KCNG3: variants seen among roughly 807,000 people sequenced by gnomAD.
KCNG3 encodes voltage-gated potassium channel regulatory subunit KCNG3.
KCNG3 carries 15 observed loss-of-function variants against 29.0 expected under a neutral mutation model. The observed-to-expected ratio is 0.52, with a 90% confidence interval of 0.35 to 0.80. The LOEUF is 0.80. Among genes scored for constraint, KCNG3 ranks in the 30% least tolerant of loss-of-function variants. The pLI, the probability that KCNG3 is intolerant of heterozygous loss-of-function variation, is 0.01. For missense variants in KCNG3, 512 were observed against 605.7 expected (o/e 0.85, Z 1.62); for synonymous variants, 322 against 248.9 (o/e 1.29, Z -2.76).
At chr2:42,449,916 T>C (rs927586586) in intron 1 of KCNG3, among the ~76,000 whole-genome samples, 3 of 152,180 alleles carry the variant, frequency 2.0e-5, no homozygotes. Context: ...GCTAACATAC[T>C]CTGTCTCTTA....
At chr2:42,467,486 G>A (rs1673169983) in intron 1 of KCNG3, among the ~76,000 whole-genome samples, 1 of 151,928 alleles carries the variant, frequency 6.6e-6, no homozygotes, top group African/African-American at 2.4e-5. Context: ...TGGCCAACAT[G>A]GTGAAAACCC....
At chr2:42,475,938 T>C (rs1443573454) in intron 1 of KCNG3, among the ~76,000 whole-genome samples, 3 of 152,052 alleles carry the variant, frequency 2.0e-5, no homozygotes, top group East Asian at 3.9e-4. Context: ...TGGTGGCACA[T>C]GCCTGTAATC....
At chr2:42,445,564 T>A (rs1672577172) in intron 1 of KCNG3, among the ~76,000 whole-genome samples, 1 of 152,110 alleles carries the variant, frequency 6.6e-6, no homozygotes, top group Admixed American at 6.6e-5. Context: ...GCCGCTAGGA[T>A]TTTCCCAAAG....
intron 1 of KCNG3, among the ~76,000 whole-genome samples, chr2:42,456,041 T>C (rs951547387): frequency 6.6e-6 from 1 of 151,280 alleles, no homozygotes; most frequent in Non-Finnish European, 1.5e-5. Flanking sequence ...GGAAATGTTA[T>C]ATGAATCCAA....
chr2:42,476,428 G>A (rs1040691128), intron 1 of KCNG3, among the ~76,000 whole-genome samples: 5 of 151,906 alleles, frequency 3.3e-5, no homozygotes, highest in Admixed American at 6.6e-5. Context: ...AGTGGGCTGA[G>A]ATCATGCCAC....
the KCNG3 span, among the ~76,000 whole-genome samples, chr2:42,423,624 C>G: frequency 6.6e-6 from 1 of 152,294 alleles, no homozygotes; most frequent in South Asian, 2.1e-4. Context: ...AGGAAGCCTT[C>G]CTTGACTCCT....
At chr2:42,472,548 G>A (rs1673314692) in intron 1 of KCNG3, among the ~76,000 whole-genome samples, 1 of 150,998 alleles carries the variant, frequency 6.6e-6, no homozygotes, top group South Asian at 2.1e-4. Flanking sequence ...TACCCAGGCT[G>A]GAGTGCACTG....
At chr2:42,437,486 G>A (rs1467788600), downstream of KCNG3, among the ~76,000 whole-genome samples, 1 of 152,064 alleles carries the variant, frequency 6.6e-6, no homozygotes, top group Non-Finnish European at 1.5e-5. Context: ...TCTGTCCTAG[G>A]AACAAAAATA....
At chr2:42,435,281 C>A in the KCNG3 span, among the ~76,000 whole-genome samples, 4 of 152,154 alleles carry the variant, frequency 2.6e-5, no homozygotes, top group Non-Finnish European at 5.9e-5. Flanking sequence ...TCACTCCAGG[C>A]TGGGCAACAA....
the KCNG3 span, among the ~76,000 whole-genome samples, chr2:42,417,971 C>T: frequency 2.0e-5 from 3 of 149,474 alleles, no homozygotes; most frequent in African/African-American, 7.4e-5. Flanking sequence ...GACTCCATCT[C>T]AAAAAATAAA....
At chr2:42,473,920 G>C (rs988146816) in intron 1 of KCNG3, among the ~76,000 whole-genome samples, 39 of 152,060 alleles carry the variant, frequency 2.6e-4, no homozygotes, top group African/African-American at 9.4e-4. Context: ...GGGAAGCAGA[G>C]GCAGCTGGAT....
rs147022405 is a variant in KCNG3, at chr2:42,493,328, G to C, written c.174C>G (p.Arg58=). The change falls in exon 1 of 2, where the codon CGC becomes CGG. Residue 58 remains arginine (R), a synonymous_variant. Transcript: ENST00000306078. ...AGTGCCGGTCGAAGAAGTACTCGTT[G>C]CGCTCGCGGTCGTAGTCGTCGCACA... ...LEVCDDYDRE[R]NEYFFDRHSE... The C allele has an allele frequency of 2.5e-6, 4 of 1,606,036 alleles. No homozygotes were observed. Among genetic ancestry groups the C allele is most frequent in the Non-Finnish European group, 2.5e-6 (3 of 1,176,538 alleles).
At chr2:42,394,434 C>T in the KCNG3 span, among the ~76,000 whole-genome samples, 2 of 152,144 alleles carry the variant, frequency 1.3e-5, no homozygotes, top group Non-Finnish European at 1.5e-5. Flanking sequence ...CTCTAACTTA[C>T]CTGTATTACT....
In KCNG3 at chr2:42,449,886, TA is replaced by T. The variant is rs1251415580; in HGVS notation, c.666-5308del. On this transcript the variant is annotated intron_variant, in intron 1 of 1. Coordinates refer to ENST00000306078, the MANE Select transcript of KCNG3 (RefSeq NM_133329.6). ...TAGTTTCCTTAGATTGGCTTGTGGG[TA>T]AGATGTACCAGTTCTCCAGCTAACA... Among the ~76,000 whole-genome samples, 23 of 152,254 alleles carry T rather than the reference TA, an allele frequency of 1.5e-4. No homozygotes were observed. In the East Asian group the frequency reaches 4.1e-3, roughly 27 times the overall value.
chr2:42,448,321 G>C (rs1192066378), intron 1 of KCNG3, among the ~76,000 whole-genome samples: 1 of 151,756 alleles, frequency 6.6e-6, no homozygotes, highest in East Asian at 1.9e-4. Flanking sequence ...ATAGCCCGGG[G>C]TCTAAATCCT....
intron 1 of KCNG3, among the ~76,000 whole-genome samples, chr2:42,489,372 G>A (rs148357857): frequency 7.2e-5 from 11 of 152,240 alleles, no homozygotes; most frequent in African/African-American, 2.6e-4. Context: ...CTGGGTGACA[G>A]AGTGAGATCT....
intron 1 of KCNG3, among the ~76,000 whole-genome samples, chr2:42,459,214 ATAG>A (rs1188127791): frequency 6.6e-6 from 1 of 150,842 alleles, no homozygotes; most frequent in African/African-American, 2.4e-5. Flanking sequence ...AAAAAAAAAA[ATAG>A]AGAGAGTGAG....
intron 1 of KCNG3, among the ~76,000 whole-genome samples, chr2:42,483,920 T>C (rs1207154225): frequency 6.6e-6 from 1 of 152,024 alleles, no homozygotes; most frequent in Non-Finnish European, 1.5e-5. Flanking sequence ...GACTCCTGAG[T>C]ACCTGGGATT....
At chr2:42,486,831 T>C (rs1673737217) in intron 1 of KCNG3, among the ~76,000 whole-genome samples, 1 of 152,130 alleles carries the variant, frequency 6.6e-6, no homozygotes, top group Non-Finnish European at 1.5e-5. Context: ...CCTGGCACAA[T>C]CACAGGAGCT....
Sources: gnomAD v4.1 joint callset for allele counts (sites outside exome capture counted in the v4.1 genomes callset) on GRCh38, gnomAD v4.1.1 for gene constraint, MANE v1.5 for transcripts, NCBI Gene and HGNC (gene_info 2026-07-23, HGNC 2026-07-21) for gene names.